The following RBMS3 variants were observed in gnomAD, a reference collection of about 807,000 sequenced individuals.
The protein encoded by RBMS3 is RNA-binding motif, single-stranded-interacting protein 3.
In RBMS3, 27 loss-of-function variants were observed where a neutral mutation model predicts 66.8. That is an observed-to-expected ratio of 0.40 (90% CI 0.30 to 0.56). RBMS3 has a LOEUF of 0.56. RBMS3 is among the 20% of genes least tolerant of loss of function. The pLI, the probability that RBMS3 is intolerant of heterozygous loss-of-function variation, is 0.40. For synonymous variants in RBMS3, 188 were observed against 183.0 expected (o/e 1.03, Z -0.22); for missense variants, 513 against 549.5 (o/e 0.93, Z 0.66).
At chr3:29,860,701 A>G (rs575931154) in intron 6 of RBMS3, among the ~76,000 whole-genome samples, 3 of 152,226 alleles carry the variant, frequency 2.0e-5, no homozygotes, top group Non-Finnish European at 4.4e-5. Context: ...TATTGAATAC[A>G]TGTGGGTCAA....
chr3:29,379,810 C>T (rs1423979340), intron 1 of RBMS3, among the ~76,000 whole-genome samples: 1 of 152,136 alleles, frequency 6.6e-6, no homozygotes, highest in East Asian at 1.9e-4. Context: ...ACAGGTGCTG[C>T]CTTGATCCAC....
chr3:29,666,363 T>C (rs2050757090), intron 4 of RBMS3, among the ~76,000 whole-genome samples: 1 of 152,240 alleles, frequency 6.6e-6, no homozygotes. Context: ...GTTACTGCTG[T>C]ATGCCCAGGG....
intron 4 of RBMS3, among the ~76,000 whole-genome samples, chr3:29,624,796 G>C (rs1356270907): frequency 6.6e-6 from 1 of 152,076 alleles, no homozygotes. Context: ...TGAAGGAAAG[G>C]AATATAGAAG....
intron 11 of RBMS3, among the ~76,000 whole-genome samples, chr3:29,943,000 G>A (rs1343405608): frequency 1.1e-4 from 17 of 151,788 alleles, no homozygotes. Context: ...CATGTGTCTG[G>A]TTTATTTGCA....
intron 4 of RBMS3, among the ~76,000 whole-genome samples, chr3:29,605,208 C>A (rs1271951691): frequency 6.6e-6 from 1 of 151,674 alleles, no homozygotes; most frequent in South Asian, 2.1e-4. Context: ...AGCCACTGTG[C>A]AGACTAAAAA....
At chr3:29,818,887 CT>C (rs1452861618) in intron 6 of RBMS3, among the ~76,000 whole-genome samples, 1 of 152,016 alleles carries the variant, frequency 6.6e-6, no homozygotes, top group African/African-American at 2.4e-5. Flanking sequence ...CTGCTTTTGC[CT>C]TTCTCAAAAG....
At chr3:29,423,416 A>C (rs1366746704) in intron 1 of RBMS3, among the ~76,000 whole-genome samples, 1 of 152,206 alleles carries the variant, frequency 6.6e-6, no homozygotes, top group Non-Finnish European at 1.5e-5. Context: ...GGGAGGTATC[A>C]GTTGAAAGAG....
In RBMS3 at chr3:29,479,511, A is replaced by G. The variant is rs149095660; in HGVS notation, c.249-8930A>G. ...GAAGAGAAAATCTCATGGGGGAATC[A>G]ACAGACAACATATAAAATAATAAAT... On this transcript the variant is annotated intron_variant, in intron 2 of 14. Transcript: ENST00000383767. Among the ~76,000 whole-genome samples the G allele has an allele frequency of 3.6e-3, 548 of 151,992 alleles. 2 individuals are homozygous for G. The highest frequency in any genetic ancestry group is 0.013 in the African/African-American group (525 of 41,528).
Position 29,301,979 on chromosome 3 carries a change from C to T in RBMS3, c.75+20223C>T, listed in dbSNP as rs889125047. ...AACGCTTTTTCACACAAAGACATAT[C>T]CATCTCTATCACCAAGTACAATATT... On this transcript the variant is annotated intron_variant, in intron 1 of 14. Transcript: ENST00000383767. Among the ~76,000 whole-genome samples, 36 of 151,848 alleles carry T rather than the reference C, an allele frequency of 2.4e-4. 1 individual carries two copies. Among genetic ancestry groups the T allele is most frequent in the Non-Finnish European group, 4.3e-4 (29 of 67,908 alleles).
intron 3 of RBMS3, among the ~76,000 whole-genome samples, chr3:29,581,727 G>A (rs570438214): frequency 5.3e-5 from 8 of 152,312 alleles, no homozygotes; most frequent in Non-Finnish European, 7.4e-5. Context: ...TGTTTCAAGC[G>A]AGATTTTATG....
chr3:29,460,265 T>C (rs2042330354), intron 2 of RBMS3, among the ~76,000 whole-genome samples: 1 of 152,154 alleles, frequency 6.6e-6, no homozygotes, highest in East Asian at 1.9e-4. Context: ...AATCAGTGGG[T>C]AGTGATTTCA....
intron 1 of RBMS3, among the ~76,000 whole-genome samples, chr3:29,340,602 C>T (rs919913298): frequency 6.6e-6 from 1 of 152,106 alleles, no homozygotes; most frequent in African/African-American, 2.4e-5. Flanking sequence ...CACATCTTTT[C>T]TTCTGTTCAA....
intron 5 of RBMS3, among the ~76,000 whole-genome samples, chr3:29,761,344 A>T (rs1455383267): frequency 6.6e-6 from 1 of 152,136 alleles, no homozygotes; most frequent in Non-Finnish European, 1.5e-5. Context: ...CGTTCCTGAT[A>T]TTATCTTCAA....
chr3:29,669,031 C>T (rs558656671), intron 4 of RBMS3, among the ~76,000 whole-genome samples: 1 of 152,310 alleles, frequency 6.6e-6, no homozygotes, highest in Admixed American at 6.5e-5. Flanking sequence ...TTCTGGCTCA[C>T]AGCTGCCCTG....
intron 6 of RBMS3, among the ~76,000 whole-genome samples, chr3:29,764,265 C>T (rs2055830624): frequency 6.6e-6 from 1 of 151,964 alleles, no homozygotes; most frequent in Non-Finnish European, 1.5e-5. Flanking sequence ...CCATGTGTAA[C>T]GTTCCCTTGG....
chr3:29,984,264 G>T (rs1159165305), intron 12 of RBMS3, among the ~76,000 whole-genome samples: 1 of 151,732 alleles, frequency 6.6e-6, no homozygotes, highest in Non-Finnish European at 1.5e-5. Context: ...GCTCCATCAG[G>T]TCATATATGT....
chr3:29,537,822 CA>C (rs1195812359), intron 3 of RBMS3, among the ~76,000 whole-genome samples: 290 of 70,784 alleles, frequency 4.1e-3, no homozygotes, highest in Middle Eastern at 0.01. Flanking sequence ...GACTCCACCT[CA>C]AAAAAAAAAA....
At chr3:29,652,063 G>A (rs1217573241) in intron 4 of RBMS3, among the ~76,000 whole-genome samples, 3 of 152,056 alleles carry the variant, frequency 2.0e-5, no homozygotes, top group African/African-American at 4.8e-5. Context: ...ATAAAATTCT[G>A]AAGAGTAGAA....
chr3:29,903,882 A>G (rs2060312848), intron 10 of RBMS3, among the ~76,000 whole-genome samples: 1 of 152,096 alleles, frequency 6.6e-6, no homozygotes, highest in Middle Eastern at 3.4e-3. Flanking sequence ...AAAAATTATA[A>G]TCGTTATGAT....
Sources: gnomAD v4.1 joint callset for allele counts (sites outside exome capture counted in the v4.1 genomes callset) on GRCh38, gnomAD v4.1.1 for gene constraint, MANE v1.5 for transcripts, NCBI Gene and HGNC (gene_info 2026-07-23, HGNC 2026-07-21) for gene names.